EYS: variants seen among roughly 807,000 people sequenced by gnomAD.
EYS encodes protein eyes shut homolog.
A neutral mutation model predicts 282.1 loss-of-function variants in EYS; 250 were observed. The observed-to-expected ratio is 0.89, with a 90% CI of 0.80 to 0.98. EYS has a LOEUF of 0.98. EYS is among the 50% of genes least tolerant of loss of function. The probability of loss-of-function intolerance (pLI) is 0.00; values close to 1 mark genes in which losing one functional copy is unlikely to be tolerated. For missense variants in EYS, 4,016 were observed against 3,709.0 expected (o/e 1.08, Z -2.15); for synonymous variants, 1,355 against 1,282.9 (o/e 1.06, Z -1.20).
chr6:65,355,354 T>A (rs1286647391), intron 8 of EYS, among the ~76,000 whole-genome samples: 1 of 151,878 alleles, frequency 6.6e-6, no homozygotes, highest in Non-Finnish European at 1.5e-5. Context: ...CCCCCAAAAG[T>A]ATTGAAATAA....
chr6:65,596,750 AT>A (rs1465645566), intron 2 of EYS, among the ~76,000 whole-genome samples: 1 of 152,036 alleles, frequency 6.6e-6, no homozygotes. Flanking sequence ...CTTACTTTTT[AT>A]TTATAAAACT....
chr6:65,026,212 T>G (rs1772403263), intron 13 of EYS, among the ~76,000 whole-genome samples: 1 of 152,218 alleles, frequency 6.6e-6, no homozygotes, highest in Admixed American at 6.5e-5. Context: ...GTTAGTTTCA[T>G]AAATGAAACA....
chr6:64,920,963 C>T (rs1217227396), intron 15 of EYS, among the ~76,000 whole-genome samples: 2 of 152,138 alleles, frequency 1.3e-5, no homozygotes, highest in African/African-American at 2.4e-5. Context: ...ATAAGCATTA[C>T]ACTTGAAGTC....
chr6:65,600,646 A>T (rs1175620758), intron 2 of EYS, among the ~76,000 whole-genome samples: 1 of 152,094 alleles, frequency 6.6e-6, no homozygotes, highest in Non-Finnish European at 1.5e-5. Context: ...TGGTACCGCC[A>T]AATCCCAATC....
At chr6:64,470,609 A>G (rs982170068) in intron 26 of EYS, among the ~76,000 whole-genome samples, 1 of 152,148 alleles carries the variant, frequency 6.6e-6, no homozygotes, top group Non-Finnish European at 1.5e-5. Context: ...AAAAAATGCA[A>G]AAAGTCTCAT....
At chr6:63,898,100 A>G (rs1003489644) in intron 35 of EYS, among the ~76,000 whole-genome samples, 1 of 152,204 alleles carries the variant, frequency 6.6e-6, no homozygotes, top group Non-Finnish European at 1.5e-5. Context: ...GAGTCATGTT[A>G]CCACGCTGGG....
intron 12 of EYS, among the ~76,000 whole-genome samples, chr6:65,109,874 T>C (rs765676611): frequency 2.6e-5 from 4 of 152,146 alleles, no homozygotes; most frequent in Non-Finnish European, 1.5e-5. Context: ...TATATACGTG[T>C]TTTATAATTT....
At chr6:63,880,525 A>ATCTG (rs1554184453) in intron 35 of EYS, among the ~76,000 whole-genome samples, 16 of 151,828 alleles carry the variant, frequency 1.1e-4, no homozygotes, top group African/African-American at 3.6e-4. Context: ...CTATCTATCT[A>ATCTG]TCTATTCTGT....
At chr6:63,811,143 A>C (rs887867110) in intron 36 of EYS, among the ~76,000 whole-genome samples, 5 of 152,174 alleles carry the variant, frequency 3.3e-5, no homozygotes, top group African/African-American at 1.2e-4. Context: ...CATCATAAAT[A>C]AAGAGCTTCC....
At chr6:65,166,390 A>C (rs1462766962) in intron 12 of EYS, among the ~76,000 whole-genome samples, 1 of 151,242 alleles carries the variant, frequency 6.6e-6, no homozygotes, top group Non-Finnish European at 1.5e-5. Flanking sequence ...TAGTTATAAA[A>C]GATCCATGAT....
rs967185198 is a variant in EYS, at chr6:63,918,112, A to C, written c.7056-53754T>G. 9.8e-5 allele frequency among the ~76,000 whole-genome samples: 15 copies of C among 152,342 alleles called. No homozygotes were observed. In the East Asian group the frequency reaches 2.1e-3, roughly 22 times the overall value. ...AATCTGTAATGCAGATAATATTGGC[A>C]ACTAAGTGCAAATGCAGATAAAAGA... On this transcript the variant is annotated intron_variant, in intron 35 of 42. Transcript: ENST00000503581.
chr6:65,587,269 T>C (rs1433362748), intron 2 of EYS, among the ~76,000 whole-genome samples: 2 of 152,058 alleles, frequency 1.3e-5, no homozygotes, highest in Non-Finnish European at 2.9e-5. Flanking sequence ...AAGCTTTTAA[T>C]GTGATGGTGT....
At chr6:63,737,187 C>CAA (rs1031222292) in intron 41 of EYS, among the ~76,000 whole-genome samples, 1 of 151,934 alleles carries the variant, frequency 6.6e-6, no homozygotes, top group Non-Finnish European at 1.5e-5. Context: ...GGAATGCTTC[C>CAA]AGTTTTTGCC....
chr6:64,391,249 C>T (rs1293291437), intron 28 of EYS, among the ~76,000 whole-genome samples: 2 of 151,504 alleles, frequency 1.3e-5, no homozygotes, highest in South Asian at 2.1e-4. Flanking sequence ...AGCAGGCCAA[C>T]ATTCAGATTC....
chr6:65,360,399 T>A (rs1338761815), intron 8 of EYS, among the ~76,000 whole-genome samples: 1 of 152,016 alleles, frequency 6.6e-6, no homozygotes, highest in Non-Finnish European at 1.5e-5. Flanking sequence ...ATTATTCCTC[T>A]AGCTCTTCTA....
intron 26 of EYS, among the ~76,000 whole-genome samples, chr6:64,489,389 G>C (rs1776670126): frequency 6.7e-6 from 1 of 150,296 alleles, no homozygotes; most frequent in Admixed American, 6.7e-5. Context: ...ATGTGTACTT[G>C]TGGTGTGTTA....
intron 12 of EYS, among the ~76,000 whole-genome samples, chr6:65,252,315 T>G (rs1418066552): frequency 1.3e-5 from 2 of 151,886 alleles, no homozygotes; most frequent in Non-Finnish European, 2.9e-5. Context: ...AAAGAAAATA[T>G]AGTAATAGAC....
chr6:63,974,612 A>G (rs1263355494), intron 35 of EYS, among the ~76,000 whole-genome samples: 1 of 152,034 alleles, frequency 6.6e-6, no homozygotes, highest in Non-Finnish European at 1.5e-5. Flanking sequence ...ACCTTGCTGC[A>G]TAAATATGAT....
chr6:63,809,083 C>A (rs978871306), intron 36 of EYS, among the ~76,000 whole-genome samples: 1 of 152,012 alleles, frequency 6.6e-6, no homozygotes, highest in Non-Finnish European at 1.5e-5. Context: ...GGGGCTTTTT[C>A]TTTTGGTAAC....
Sources: allele counts gnomAD v4.1 joint callset (sites outside exome capture counted in the v4.1 genomes callset), GRCh38; gene constraint gnomAD v4.1.1; transcripts MANE v1.5; gene names NCBI Gene and HGNC (gene_info 2026-07-23, HGNC 2026-07-21).